The following ADIPOR2 variants were observed in gnomAD, a reference collection of about 807,000 sequenced individuals.
The protein encoded by ADIPOR2 is adiponectin receptor protein 2.
In ADIPOR2, 18 loss-of-function variants were observed where a neutral mutation model predicts 40.9. The ratio of observed to expected loss-of-function variants is 0.44; its 90% CI spans 0.30 to 0.65. The LOEUF is 0.65. Among genes scored for constraint, ADIPOR2 ranks in the 30% least tolerant of loss-of-function variants. The pLI, the probability that ADIPOR2 is intolerant of heterozygous loss-of-function variation, is 0.09. For missense variants in ADIPOR2, 283 were observed against 479.2 expected (o/e 0.59, Z 3.82); for synonymous variants, 165 against 166.4 (o/e 0.99, Z 0.06).
chr12:1,753,674 T>A (rs1004424388), intron 1 of ADIPOR2, among the ~76,000 whole-genome samples: 1 of 152,238 alleles, frequency 6.6e-6, no homozygotes, highest in Admixed American at 6.5e-5. Flanking sequence ...TTATAAAGTA[T>A]GGTGAATTTT....
At chr12:1,782,402 G>T (rs1456502216) in intron 6 of ADIPOR2, among the ~76,000 whole-genome samples, 1 of 152,202 alleles carries the variant, frequency 6.6e-6, no homozygotes, top group Non-Finnish European at 1.5e-5. Context: ...AAGGGTCATT[G>T]TTAACTCTGT....
chr12:1,703,131 A>G (rs1434652792), intron 1 of ADIPOR2: 1 of 152,202 alleles, frequency 6.6e-6, no homozygotes, highest in Non-Finnish European at 1.5e-5. Flanking sequence ...TGTTAAAAAT[A>G]TATTATATGT....
At chr12:1,747,015 A>G (rs10773988) in intron 1 of ADIPOR2, among the ~76,000 whole-genome samples, 57,532 of 151,054 alleles carry the variant, frequency 0.38, 13,516 homozygotes, top group Non-Finnish European at 0.53. Context: ...AGTCTGGGCA[A>G]CAGAGTAAGA....
chr12:1,781,513 A>AC (rs971099498), intron 6 of ADIPOR2, among the ~76,000 whole-genome samples: 1 of 151,928 alleles, frequency 6.6e-6, no homozygotes, highest in African/African-American at 2.4e-5. Context: ...TTAAGGCTTC[A>AC]CCCCCATGCT....
intron 1 of ADIPOR2, among the ~76,000 whole-genome samples, chr12:1,727,141 A>G (rs1052801576): frequency 6.6e-6 from 1 of 152,204 alleles, no homozygotes; most frequent in African/African-American, 2.4e-5. Context: ...GTCCAGCTCA[A>G]ATGTTAACTC....
intron 1 of ADIPOR2, among the ~76,000 whole-genome samples, chr12:1,743,382 A>G (rs891870971): frequency 1.3e-5 from 2 of 151,924 alleles, no homozygotes; most frequent in Non-Finnish European, 2.9e-5. Flanking sequence ...CAATAGTTTA[A>G]ATTCTCTAAA....
At chr12:1,784,567 A>G (rs575320460) in intron 7 of ADIPOR2, among the ~76,000 whole-genome samples, 1 of 152,342 alleles carries the variant, frequency 6.6e-6, no homozygotes, top group East Asian at 1.9e-4. Flanking sequence ...AGCCCTTTTT[A>G]GGACCAGATT....
rs574744916 is a variant in ADIPOR2, at chr12:1,768,830, G to A, written c.172-4012G>A. Among the ~76,000 whole-genome samples, 14 of 148,666 alleles carry A rather than the reference G, an allele frequency of 9.4e-5. No homozygotes were observed. In the East Asian group the frequency reaches 2.7e-3, roughly 29 times the overall value. ...ACTTTACTGAAAACAGATGGCGGGA[G>A]GGGGGAGATATTTCAAAATGTCTTT... is the stretch of plus-strand genomic sequence containing the variant. On this transcript the variant is annotated intron_variant, in intron 2 of 7. Coordinates refer to ENST00000357103, the MANE Select transcript of ADIPOR2 (RefSeq NM_024551.3).
intron 6 of ADIPOR2, among the ~76,000 whole-genome samples, chr12:1,782,976 CTTTTTTTTTTTT>C (rs71055199): frequency 0.31 from 34,435 of 109,556 alleles, 4,071 homozygotes; most frequent in East Asian, 0.5. Flanking sequence ...TTCTTTCTTT[CTTTTTTTTTTTT>C]TTTTTTTTTT....
At chr12:1,739,571 T>C (rs1368240327) in intron 1 of ADIPOR2, among the ~76,000 whole-genome samples, 1 of 152,256 alleles carries the variant, frequency 6.6e-6, no homozygotes, top group Non-Finnish European at 1.5e-5. Context: ...TAAAGTTTTA[T>C]TGGAACACAG....
At chr12:1,715,717 A>T (rs1223433090) in intron 1 of ADIPOR2, among the ~76,000 whole-genome samples, 1 of 152,106 alleles carries the variant, frequency 6.6e-6, no homozygotes, top group Non-Finnish European at 1.5e-5. Context: ...AGCCAGCTGG[A>T]CTTCTGGGTT....
chr12:1,775,053 G>C (rs943810523), intron 3 of ADIPOR2, among the ~76,000 whole-genome samples: 2 of 149,250 alleles, frequency 1.3e-5, no homozygotes, highest in Non-Finnish European at 3.0e-5. Flanking sequence ...GGCCAGGATG[G>C]TCTCCATCTC....
intron 6 of ADIPOR2, among the ~76,000 whole-genome samples, chr12:1,782,976 C>CTTTTTTTTTTTTTTTTTTT (rs71055199): frequency 2.6e-4 from 29 of 109,754 alleles, no homozygotes; most frequent in Non-Finnish European, 3.5e-4. Flanking sequence ...TTCTTTCTTT[C>CTTTTTTTTTTTTTTTTTTT]TTTTTTTTTT....
chr12:1,750,800 T>C (rs571583840), intron 1 of ADIPOR2, among the ~76,000 whole-genome samples: 5 of 152,278 alleles, frequency 3.3e-5, no homozygotes, highest in Non-Finnish European at 5.9e-5. Flanking sequence ...CCCCATCACA[T>C]TGATGATTTT....
At chr12:1,755,716 T>TATAGC (rs1862111294) in intron 2 of ADIPOR2, among the ~76,000 whole-genome samples, 1 of 152,246 alleles carries the variant, frequency 6.6e-6, no homozygotes, top group Non-Finnish European at 1.5e-5. Context: ...TTCCAAATTA[T>TATAGC]ATAGCATGTG....
intron 1 of ADIPOR2, among the ~76,000 whole-genome samples, chr12:1,708,490 C>T (rs1328156795): frequency 6.6e-6 from 1 of 152,098 alleles, no homozygotes; most frequent in Non-Finnish European, 1.5e-5. Flanking sequence ...ATTTTGGAAG[C>T]CTTACAGTTT....
chr12:1,750,284 C>G (rs148011860), intron 1 of ADIPOR2, among the ~76,000 whole-genome samples: 1 of 151,994 alleles, frequency 6.6e-6, no homozygotes, highest in African/African-American at 2.4e-5. Context: ...GATGGCTGGG[C>G]ACAGTGGCTT....
At chr12:1,734,438 G>C (rs1005966779) in intron 1 of ADIPOR2, among the ~76,000 whole-genome samples, 1 of 152,072 alleles carries the variant, frequency 6.6e-6, no homozygotes, top group African/African-American at 2.4e-5. Context: ...CATATCCTTT[G>C]CCCACTTTTT....
At chr12:1,770,439 G>A (rs1163875914) in intron 2 of ADIPOR2, among the ~76,000 whole-genome samples, 1 of 152,152 alleles carries the variant, frequency 6.6e-6, no homozygotes, top group African/African-American at 2.4e-5. Context: ...TTGAATATGT[G>A]CAAATATCTG....
Sources: allele counts gnomAD v4.1 joint callset (sites outside exome capture counted in the v4.1 genomes callset), GRCh38; gene constraint gnomAD v4.1.1; transcripts MANE v1.5; gene names NCBI Gene and HGNC (gene_info 2026-07-23, HGNC 2026-07-21).